Variants in FGD6 observed in about 807,000 individuals in gnomAD.
FGD6 encodes the protein FYVE, RhoGEF and PH domain containing 6, also known as FYVE, RhoGEF and PH domain-containing protein 6.
FGD6 carries 90 observed loss-of-function variants against 149.4 expected under a neutral mutation model. That is an observed-to-expected ratio of 0.60 (90% CI 0.51 to 0.72). The LOEUF (loss-of-function observed/expected upper bound fraction) is 0.72. Among genes scored for constraint, FGD6 ranks in the 30% least tolerant of loss-of-function variants. FGD6 has a pLI of 0.00. For missense variants in FGD6, 1,437 were observed against 1,684.8 expected (o/e 0.85, Z 2.57); for synonymous variants, 527 against 584.0 (o/e 0.90, Z 1.41).
intron 2 of FGD6, among the ~76,000 whole-genome samples, chr12:95,202,390 A>AAAAATAAAAGAAAATAAAATAAAAT (rs2056668372): frequency 7.1e-6 from 1 of 141,708 alleles, no homozygotes; most frequent in South Asian, 2.3e-4. Context: ...CCATTTCCCA[A>AAAAATAAAAGAAAATAAAATAAAAT]AAAATAAAAT....
chr12:95,132,482 G>A (rs899350857), intron 8 of FGD6, among the ~76,000 whole-genome samples: 16 of 152,278 alleles, frequency 1.1e-4, no homozygotes, highest in South Asian at 4.1e-4. Context: ...GCCGGGCACC[G>A]TGGCTCATGC....
chr12:95,165,795 A>T (rs1391433071), intron 3 of FGD6, among the ~76,000 whole-genome samples: 1 of 148,078 alleles, frequency 6.8e-6, no homozygotes, highest in Non-Finnish European at 1.5e-5. Flanking sequence ...GAACCACCAT[A>T]CCTGGCTAAT....
chr12:95,100,985 T>C (rs1878409474), intron 14 of FGD6: 3 of 360,260 alleles, frequency 8.3e-6, no homozygotes, highest in South Asian at 2.6e-5. Flanking sequence ...GGGGTAGTTA[T>C]CTCTCTCCAG....
chr12:95,203,610 C>T (rs2056674567), intron 2 of FGD6, among the ~76,000 whole-genome samples: 1 of 152,124 alleles, frequency 6.6e-6, no homozygotes. Context: ...CCTCAATGGG[C>T]AGAAGTTCCT....
chr12:95,184,668 G>A (rs570272513), intron 2 of FGD6, among the ~76,000 whole-genome samples: 16 of 148,792 alleles, frequency 1.1e-4, no homozygotes, highest in African/African-American at 3.0e-4. Flanking sequence ...TGCAACCTCC[G>A]CCTCCCAGGT....
At chr12:95,105,362 C>CT (rs1878577488) in intron 13 of FGD6, among the ~76,000 whole-genome samples, 1 of 152,146 alleles carries the variant, frequency 6.6e-6, no homozygotes, top group South Asian at 2.1e-4. Context: ...GTGACCTATA[C>CT]TTTAAGGTCC....
intron 3 of FGD6, among the ~76,000 whole-genome samples, chr12:95,166,560 C>T (rs904617259): frequency 5.9e-5 from 9 of 151,956 alleles, no homozygotes; most frequent in South Asian, 2.1e-4. Context: ...AAAAATTAGC[C>T]GGGCATGGTT....
At chr12:95,198,596 C>A (rs112357674) in intron 2 of FGD6, among the ~76,000 whole-genome samples, 3 of 152,040 alleles carry the variant, frequency 2.0e-5, no homozygotes, top group African/African-American at 4.8e-5. Flanking sequence ...CCCGCCACCA[C>A]GCCCGGCTAA....
At chr12:95,089,784 A>T in intron 17 of FGD6, 88 bp from the exon 18 acceptor site, 1 of 1,515,086 alleles carries the variant, frequency 6.6e-7, no homozygotes, top group African/African-American at 1.4e-5. Flanking sequence ...GTTGCATAAA[A>T]TATCCATGGA....
At chr12:95,118,702 G>T (rs1879098378) in intron 8 of FGD6, among the ~76,000 whole-genome samples, 1 of 152,136 alleles carries the variant, frequency 6.6e-6, no homozygotes, top group Non-Finnish European at 1.5e-5. Context: ...GTCTTGCTTT[G>T]TATTTTTCAG....
At chr12:95,105,965 G>A (rs1482746475) in intron 13 of FGD6, among the ~76,000 whole-genome samples, 1 of 152,098 alleles carries the variant, frequency 6.6e-6, no homozygotes, top group Non-Finnish European at 1.5e-5. Context: ...AGCTGAGATC[G>A]CACCACTGCA....
intron 8 of FGD6, among the ~76,000 whole-genome samples, chr12:95,119,031 C>T (rs1341970387): frequency 6.6e-6 from 1 of 152,106 alleles, no homozygotes; most frequent in African/African-American, 2.4e-5. Flanking sequence ...CCTGTAATCC[C>T]AGCACTATGG....
At chr12:95,089,416 G>A (rs758242145) in intron 18 of FGD6, among the ~76,000 whole-genome samples, 153 bp downstream of exon 18, 1 of 152,234 alleles carries the variant, frequency 6.6e-6, no homozygotes, top group Non-Finnish European at 1.5e-5. Context: ...AAGCAAGATT[G>A]TGAGGCATCA....
rs563022967 is a variant in FGD6 at position 95,144,887 on chromosome 12, A to G, written c.2686-3348T>C. 4.2e-5 allele frequency among the ~76,000 whole-genome samples: 6 copies of G among 143,678 alleles called. No homozygotes were observed. In the South Asian group the frequency reaches 6.7e-4, roughly 16 times the overall value. 94.3% of individuals were successfully genotyped at this position (143,678 alleles called of 152,430 possible). A position where few individuals can be genotyped will look rare whatever the true frequency, so the allele number is the denominator to read the frequency against. ...TATTTTTAGTAGATACGGGGATTTC[A>G]CCATGTTGGCCAGCTGGTCTCGAAC... On this transcript the variant is annotated intron_variant, in intron 5 of 20. Coordinates refer to ENST00000343958, the MANE Select transcript of FGD6 (RefSeq NM_018351.4).
At chr12:95,187,223 C>A (rs945716309) in intron 2 of FGD6, among the ~76,000 whole-genome samples, 1 of 150,734 alleles carries the variant, frequency 6.6e-6, no homozygotes, top group Non-Finnish European at 1.5e-5. Context: ...CCCAACTACT[C>A]GGAAGGCTGA....
chr12:95,152,658 ACT>A (rs1391847488), intron 5 of FGD6, among the ~76,000 whole-genome samples, 151 bp downstream of exon 5: 1 of 152,134 alleles, frequency 6.6e-6, no homozygotes, highest in Non-Finnish European at 1.5e-5. Flanking sequence ...AGCTACTAAG[ACT>A]CTTTCAGAAA....
Position 95,113,973 on chromosome 12 carries a change from C to A in FGD6, c.3083-272G>T, listed in dbSNP as rs200021336. ...AGCAAAGGATCTCACCCAACTCACA[C>A]AACCTCTAGTTGGCAGAGCCAGCAT... On this transcript the variant is annotated intron_variant, in intron 8 of 20. Transcript: ENST00000343958. Among the ~76,000 whole-genome samples, 7 of 152,210 alleles carry A rather than the reference C, an allele frequency of 4.6e-5. No individual in the cohort carries two copies. In the East Asian group the frequency reaches 7.7e-4, roughly 17 times the overall value.
At chr12:95,148,625 C>T (rs56006118) in intron 5 of FGD6, among the ~76,000 whole-genome samples, 2 of 120,054 alleles carry the variant, frequency 1.7e-5, no homozygotes, top group Non-Finnish European at 3.3e-5. Context: ...TTATATAATA[C>T]ATAGCATATG....
chr12:95,078,220 T>C lies in FGD6; in HGVS notation c.*3300A>G, dbSNP rs1031983180. The C allele has an allele frequency of 3.3e-5, 5 of 152,172 alleles. No individual in the cohort carries two copies. The highest frequency in any genetic ancestry group is 9.7e-5 in the African/African-American group (4 of 41,442). The allele number at this position is 152,172 out of a possible 1,614,324, so 9.4% of individuals were successfully genotyped here. ...GGCAGTATTATGGAAGACAGTGATA[T>C]ATTAAGTACAGTATCTGCCTTCAAG... On this transcript the variant is annotated 3_prime_UTR_variant, in exon 21 of 21. Transcript: ENST00000343958.
Sources: allele counts gnomAD v4.1 joint callset (sites outside exome capture counted in the v4.1 genomes callset), GRCh38; gene constraint gnomAD v4.1.1; transcripts MANE v1.5; gene names NCBI Gene and HGNC (gene_info 2026-07-23, HGNC 2026-07-21).